RADIL: variants seen among roughly 807,000 people sequenced by gnomAD.
The protein encoded by RADIL is ras-associating and dilute domain-containing protein.
In RADIL, 99 loss-of-function variants were observed where a neutral mutation model predicts 97.6. The observed-to-expected ratio is 1.01, with a 90% CI of 0.86 to 1.20. The LOEUF is 1.20. Ranked by LOEUF, RADIL falls within the 50% of genes most tolerant of loss-of-function variation. The probability of loss-of-function intolerance (pLI) is 0.00; values close to 1 mark genes in which losing one functional copy is unlikely to be tolerated. For missense variants in RADIL, 1,765 were observed against 1,498.9 expected, an observed-to-expected ratio of 1.18 and a Z score of -2.93; for synonymous variants, 803 against 691.8, an observed-to-expected ratio of 1.16 and a Z score of -2.52.
intron 2 of RADIL, among the ~76,000 whole-genome samples, chr7:4,851,949 A>G (rs1783718995): frequency 6.6e-6 from 1 of 152,228 alleles, no homozygotes; most frequent in Non-Finnish European, 1.5e-5. Context: ...CAGTAGAGTC[A>G]GGGTGTTCCT....
In RADIL at chr7:4,824,071, G is replaced by A. The variant is rs1386656587; in HGVS notation, c.1455-1517C>T. Among the ~76,000 whole-genome samples, 1 of 152,230 alleles carries A rather than the reference G, an allele frequency of 6.6e-6. No individual in the cohort carries two copies. The highest frequency in any genetic ancestry group is 1.5e-5 in the Non-Finnish European group (1 of 68,036). ...AAGGCCGTGTGTGCCCCTGAGCAGT[G>A]AGCAGAAGGGATCCTTTTGCAAACA... On this transcript the variant is annotated intron_variant, in intron 5 of 14. Coordinates refer to ENST00000399583, the MANE Select transcript of RADIL (RefSeq NM_018059.5). This position sits in a 1 kb window ranked among gnomAD's most constrained non-coding sequence, Gnocchi z 6.7.
rs1412944230 is a variant in RADIL at position 4,878,465 on chromosome 7, A to G, written c.-64-262T>C. The stretch of plus-strand genomic sequence containing the variant: ...TGAGGCTGGAGGATGGCTTGAGCCC[A>G]GGAGTTCAAGATTGCAGTGAGCTAT... On this transcript the variant is annotated intron_variant, in intron 1 of 14. Transcript: ENST00000399583. The surrounding 1 kb of genome is among the most constrained non-coding windows in gnomAD (Gnocchi z 4.1). Among the ~76,000 whole-genome samples the G allele has an allele frequency of 6.6e-6, 1 of 152,160 alleles. No homozygotes were observed. Among genetic ancestry groups the G allele is most frequent in the East Asian group, 1.9e-4 (1 of 5,188 alleles).
intron 2 of RADIL, among the ~76,000 whole-genome samples, chr7:4,876,872 G>A (rs960917255): frequency 4.6e-5 from 7 of 152,196 alleles, no homozygotes; most frequent in South Asian, 2.1e-4. Context: ...CTTGCAACCC[G>A]GCAATGCCAC....
At chr7:4,859,646 T>A (rs1481857746) in intron 2 of RADIL, 1 of 472,186 alleles carries the variant, frequency 2.1e-6, no homozygotes, top group Admixed American at 3.7e-5. Context: ...ATATTGTTCA[T>A]GGACCCTTGA....
chr7:4,820,920 A>G (rs1422849267), intron 6 of RADIL, among the ~76,000 whole-genome samples: 1 of 152,092 alleles, frequency 6.6e-6, no homozygotes, highest in Admixed American at 6.5e-5. Context: ...ACCTGCCCCT[A>G]AGGCATGGGG....
rs943899024 is a variant in RADIL at position 4,842,439 on chromosome 7, T to C, written c.536-5834A>G. On this transcript the variant is annotated intron_variant, in intron 2 of 14. Coordinates refer to ENST00000399583, the MANE Select transcript of RADIL (RefSeq NM_018059.5). The surrounding 1 kb of genome is among the most constrained non-coding windows in gnomAD (Gnocchi z 4.5). ...ATGCAGCCACAGCCACACGGCTTTG[T>C]CTAGGCCACCCCCCTCCCCTCCTCG... Among the ~76,000 whole-genome samples, 1 of 152,134 alleles carries C rather than the reference T, an allele frequency of 6.6e-6. No individual in the cohort carries two copies. The highest frequency in any genetic ancestry group is 2.4e-5 in the African/African-American group (1 of 41,438).
In RADIL at chr7:4,799,147, G is replaced by GAA; in HGVS notation, c.*229_*230dup. 1 of 560,438 alleles carries GAA rather than the reference G, an allele frequency of 1.8e-6. No individual in the cohort carries two copies. Among genetic ancestry groups the GAA allele is most frequent in the Non-Finnish European group, 3.2e-6 (1 of 312,098 alleles). The allele number at this position is 560,438 out of a possible 1,614,324, so 34.7% of individuals were successfully genotyped here. A position where few individuals can be genotyped will look rare whatever the true frequency, so the allele number is the denominator to read the frequency against. ...GTTTATTGAACCGTACTTCTCCATT[G>GAA]AAGTCTTTAAACATAAAAGCTCTGT... is the stretch of plus-strand genomic sequence containing the variant. On this transcript the variant is annotated 3_prime_UTR_variant, in exon 15 of 15. Transcript: ENST00000399583.
rs1468469100 is a variant in RADIL at position 4,854,772 on chromosome 7, A to G, written c.536-18167T>C. ...AATTATATTTCACACATATGAAAGC[A>G]TTTGTAACTTAGACTAATAACAAAA... On this transcript the variant is annotated intron_variant, in intron 2 of 14. Transcript: ENST00000399583. The surrounding 1 kb of genome is among the most constrained non-coding windows in gnomAD (Gnocchi z 5.1). Among the ~76,000 whole-genome samples the G allele has an allele frequency of 3.9e-5, 6 of 152,196 alleles. No individual in the cohort carries two copies. In the South Asian group the frequency reaches 8.3e-4, roughly 21 times the overall value.
Position 4,843,415 on chromosome 7 carries a change from C to G in RADIL, c.536-6810G>C, listed in dbSNP as rs538778405. On this transcript the variant is annotated intron_variant, in intron 2 of 14. Transcript: ENST00000399583. Reference sequence around the variant, plus strand: ...ACACAGAGGTCAGATGGGCCTGAAACGAGTCTTCTGTTAGCTGAGGCACCC... The same window carrying G: ...ACACAGAGGTCAGATGGGCCTGAAAGGAGTCTTCTGTTAGCTGAGGCACCC... 2.0e-5 allele frequency among the ~76,000 whole-genome samples: 3 copies of G among 152,224 alleles called. No individual in the cohort carries two copies. The East Asian group carries it at 5.8e-4, about 29-fold the overall frequency.
At chr7:4,836,330 G>C (rs919480727) in intron 3 of RADIL, 28 bp downstream of exon 3, 4 of 1,561,192 alleles carry the variant, frequency 2.6e-6, no homozygotes, top group Non-Finnish European at 3.5e-6. Flanking sequence ...GTGGCACCGG[G>C]CAGTGGGTGT....
In RADIL at chr7:4,827,616, G is replaced by A. The variant is rs569860380; in HGVS notation, c.1454+4525C>T. On this transcript the variant is annotated intron_variant, in intron 5 of 14. Transcript: ENST00000399583. ...GCGGAGGTTGCAGTGAGCCGAGATC[G>A]TGCCACTGTACTCCAGCCTGGGGGA... 1.9e-3 allele frequency among the ~76,000 whole-genome samples: 296 copies of A among 152,280 alleles called. 2 individuals carry two copies. In the South Asian group the frequency reaches 0.022, roughly 11 times the overall value.
intron 2 of RADIL, among the ~76,000 whole-genome samples, chr7:4,853,042 T>A (rs1225309202): frequency 2.0e-5 from 3 of 152,094 alleles, no homozygotes; most frequent in African/African-American, 7.2e-5. Context: ...ATGATGAGAT[T>A]TTAGACTTGA....
At chr7:4,800,362 C>G (rs3816853) in intron 12 of RADIL, 52 bp from the exon 13 acceptor site, 238,782 of 1,406,784 alleles carry the variant, frequency 0.17, 27,169 homozygotes, top group African/African-American at 0.57. Flanking sequence ...GGAATCACGA[C>G]GAGGAATGGG....
intron 2 of RADIL, chr7:4,860,223 A>C (rs763986899): frequency 6.2e-7 from 1 of 1,614,014 alleles, no homozygotes; most frequent in South Asian, 1.1e-5. Flanking sequence ...CTGTTTTCAC[A>C]GCCTGCAGAC....
intron 2 of RADIL, chr7:4,860,883 T>A: frequency 6.2e-7 from 1 of 1,614,194 alleles, no homozygotes. Flanking sequence ...AGATGGTACC[T>A]ATCACTGGGA....
chr7:4,845,162 G>A (rs919163467), intron 2 of RADIL, among the ~76,000 whole-genome samples: 4 of 152,102 alleles, frequency 2.6e-5, no homozygotes, highest in Non-Finnish European at 2.9e-5. Flanking sequence ...GTTCATGCCT[G>A]TAATCCCAGC....
chr7:4,811,263 C>A (rs1782536496), intron 9 of RADIL: 1 of 152,024 alleles, frequency 6.6e-6, no homozygotes, highest in Non-Finnish European at 1.5e-5. Context: ...TGAATTAGTT[C>A]TAAACACCAA....
Position 4,836,431 on chromosome 7 carries a change from C to A in RADIL, c.710G>T (p.Gly237Val). The change falls in exon 3 of 15, where the codon GGC becomes GTC. Residue 237 changes from glycine (G) to valine (V), a missense_variant. Transcript: ENST00000399583. ...PAAAQGPEEPGPDAMRYSLYQ... is the reference protein window; with the variant it reads ...PAAAQGPEEPVPDAMRYSLYQ... ...CAGCGAGTACCGCATGGCGTCGGGG[C>A]CGGGCTCCTCGGGGCCCTGGGCGGC... 1 of 1,592,106 alleles carries A rather than the reference C, an allele frequency of 6.3e-7. No homozygotes were observed. Among genetic ancestry groups the A allele is most frequent in the Non-Finnish European group, 8.6e-7 (1 of 1,169,450 alleles).
rs1301672648 is a variant in RADIL, at chr7:4,836,542, A to G, written c.599T>C (p.Leu200Pro). The G allele has an allele frequency of 1.2e-6, 2 of 1,607,766 alleles. No individual in the cohort carries two copies. Among genetic ancestry groups the G allele is most frequent in the East Asian group, 2.2e-5 (1 of 44,858 alleles). Residue 200 changes from leucine (L) to proline (P), a missense_variant, in exon 3 of 15, where the codon CTG (leucine) becomes CCG (proline). Coordinates refer to ENST00000399583, the MANE Select transcript of RADIL (RefSeq NM_018059.5). Reference sequence around the variant, plus strand: ...TGGAGGAGAGCTCCGGGCATCCCCCAGGGCCGGGGTCGGGGTTCCCTTCGC... The same window carrying G: ...TGGAGGAGAGCTCCGGGCATCCCCCGGGGCCGGGGTCGGGGTTCCCTTCGC... ...SRAKGTPTPA[L>P]GDARSSPPPR...
Sources: allele counts gnomAD v4.1 joint callset (sites outside exome capture counted in the v4.1 genomes callset), GRCh38; gene constraint gnomAD v4.1.1; non-coding constraint Gnocchi (gnomAD v3.1); transcripts MANE v1.5; gene names NCBI Gene and HGNC (gene_info 2026-07-23, HGNC 2026-07-21).